The following GRID1 variants were observed in gnomAD, a reference collection of about 807,000 sequenced individuals.
The protein encoded by GRID1 is glutamate ionotropic receptor delta type subunit 1.
In GRID1, 28 loss-of-function variants were observed where a neutral mutation model predicts 98.0. The ratio of observed to expected loss-of-function variants is 0.29; its 90% CI spans 0.21 to 0.39. The LOEUF is 0.39. Ranked by LOEUF, GRID1 falls within the 10% of genes least tolerant of loss-of-function variation. The pLI, the probability that GRID1 is intolerant of heterozygous loss-of-function variation, is 1.00. For synonymous variants in GRID1, 553 were observed against 538.5 expected, an observed-to-expected ratio of 1.03 and a Z score of -0.37; for missense variants, 1,111 against 1,340.5, an observed-to-expected ratio of 0.83 and a Z score of 2.67.
rs189138384 is a variant in GRID1, at chr10:85,989,700, T to C, written c.727-73461A>G. Reference sequence around the variant, plus strand: ...AACCCCCACTGGTCCGTGGAAACATTGTCTTCCACGAAATCTGTCCCTGGT... The same window carrying C: ...AACCCCCACTGGTCCGTGGAAACATCGTCTTCCACGAAATCTGTCCCTGGT... On this transcript the variant is annotated intron_variant, in intron 4 of 15. Coordinates refer to ENST00000327946, the MANE Select transcript of GRID1 (RefSeq NM_017551.3). Among the ~76,000 whole-genome samples, 594 of 152,298 alleles carry C rather than the reference T, an allele frequency of 3.9e-3. 2 individuals are homozygous for C. The highest frequency in any genetic ancestry group is 0.013 in the African/African-American group (557 of 41,566).
At chr10:85,971,037 A>G (rs1842400946) in intron 4 of GRID1, among the ~76,000 whole-genome samples, 1 of 152,034 alleles carries the variant, frequency 6.6e-6, no homozygotes, top group Non-Finnish European at 1.5e-5. Flanking sequence ...CTATTTCTAT[A>G]TACTATCATG....
intron 4 of GRID1, among the ~76,000 whole-genome samples, chr10:86,014,401 G>A (rs1279868046): frequency 6.6e-6 from 1 of 152,228 alleles, no homozygotes; most frequent in Non-Finnish European, 1.5e-5. Flanking sequence ...TAGACTGGAT[G>A]TTTTCAGATT....
intron 3 of GRID1, among the ~76,000 whole-genome samples, chr10:86,201,378 T>C (rs1845948048): frequency 6.6e-6 from 1 of 152,114 alleles, no homozygotes; most frequent in Admixed American, 6.5e-5. Context: ...ATGATAAAAC[T>C]ATCAAGGAAT....
chr10:86,212,529 G>C (rs572591650), intron 2 of GRID1, among the ~76,000 whole-genome samples: 2 of 152,180 alleles, frequency 1.3e-5, no homozygotes, highest in Non-Finnish European at 2.9e-5. Flanking sequence ...GGGCAAACCC[G>C]GGCTCAGCCC....
At chr10:85,652,082 A>T (rs545077754) in intron 12 of GRID1, among the ~76,000 whole-genome samples, 1 of 152,264 alleles carries the variant, frequency 6.6e-6, no homozygotes, top group Admixed American at 6.5e-5. Context: ...CTTTGTAAGC[A>T]TCCCTTGCCT....
chr10:85,922,550 A>G (rs1046376896), intron 4 of GRID1, among the ~76,000 whole-genome samples: 1 of 152,352 alleles, frequency 6.6e-6, no homozygotes, highest in South Asian at 2.1e-4. Flanking sequence ...ACATTTGGGA[A>G]CATTCCCCCC....
At chr10:85,865,930 T>TATAC (rs1554836190) in intron 6 of GRID1, among the ~76,000 whole-genome samples, 2 of 114,494 alleles carry the variant, frequency 1.7e-5, no homozygotes, top group Admixed American at 1.0e-4. Flanking sequence ...TATATATATA[T>TATAC]ATATATATAT....
At chr10:85,885,324 G>A (rs193012401) in intron 5 of GRID1, among the ~76,000 whole-genome samples, 1 of 152,304 alleles carries the variant, frequency 6.6e-6, no homozygotes, top group African/African-American at 2.4e-5. Context: ...GATTTCCCCT[G>A]TTCAGAGGAA....
At chr10:85,943,875 A>C (rs972933119) in intron 4 of GRID1, among the ~76,000 whole-genome samples, 1 of 152,246 alleles carries the variant, frequency 6.6e-6, no homozygotes, top group Non-Finnish European at 1.5e-5. Context: ...TACTTCCCCA[A>C]GCCCGGAGTC....
chr10:85,668,322 T>TTG (rs1327689660), intron 12 of GRID1, among the ~76,000 whole-genome samples: 19 of 152,090 alleles, frequency 1.2e-4, no homozygotes, highest in African/African-American at 4.6e-4. Context: ...CTGTGTGTGT[T>TTG]TGTGTGTATA....
intron 4 of GRID1, among the ~76,000 whole-genome samples, chr10:86,062,042 G>A (rs1288692028): frequency 1.3e-5 from 2 of 152,172 alleles, no homozygotes; most frequent in Non-Finnish European, 2.9e-5. Context: ...GACAATCCTG[G>A]CTTTCCCACA....
chr10:85,791,026 GACA>G (rs1156517428), intron 8 of GRID1, among the ~76,000 whole-genome samples: 1 of 152,174 alleles, frequency 6.6e-6, no homozygotes, highest in Non-Finnish European at 1.5e-5. Context: ...CTTTCCCAGA[GACA>G]ACGAGTGACT....
At chr10:86,247,258 T>TGG (rs1452056184) in intron 2 of GRID1, among the ~76,000 whole-genome samples, 58 of 105,566 alleles carry the variant, frequency 5.5e-4, no homozygotes, top group Non-Finnish European at 9.0e-4. Flanking sequence ...GATGGATGGA[T>TGG]AGATGGATGG....
At chr10:85,678,458 T>C (rs1841170291) in intron 12 of GRID1, among the ~76,000 whole-genome samples, 1 of 152,146 alleles carries the variant, frequency 6.6e-6, no homozygotes, top group Admixed American at 6.5e-5. Context: ...AATTGTTAAC[T>C]GGGAAGAGTG....
chr10:86,180,331 T>C (rs1008886199), intron 3 of GRID1, among the ~76,000 whole-genome samples: 2 of 152,088 alleles, frequency 1.3e-5, no homozygotes, highest in African/African-American at 4.8e-5. Context: ...CCCAGAGTGA[T>C]CGAACAGCTG....
At chr10:86,023,876 C>T (rs1054689755) in intron 4 of GRID1, among the ~76,000 whole-genome samples, 2 of 152,172 alleles carry the variant, frequency 1.3e-5, no homozygotes, top group African/African-American at 4.8e-5. Context: ...ACAAGGGCCT[C>T]ACCATGTCTC....
At chr10:86,217,637 T>C (rs116574952) in intron 2 of GRID1, among the ~76,000 whole-genome samples, 2,873 of 152,202 alleles carry the variant, frequency 0.019, 100 homozygotes, top group African/African-American at 0.06. Flanking sequence ...AAATTCCACA[T>C]GCCTGCGGGT....
In GRID1 at chr10:86,192,306, T is replaced by A. The variant is rs1329117101; in HGVS notation, c.520+14058A>T. Reference sequence around the variant, plus strand: ...CCTTAAGTGTCCATCGATGGATGAATAGGTCAATAAAATTCTGTCTATCCA... The same window carrying A: ...CCTTAAGTGTCCATCGATGGATGAAAAGGTCAATAAAATTCTGTCTATCCA... On this transcript the variant is annotated intron_variant, in intron 3 of 15. Transcript: ENST00000327946. This position sits in a 1 kb window ranked among gnomAD's most constrained non-coding sequence, Gnocchi z 4.8. 2.0e-5 allele frequency among the ~76,000 whole-genome samples: 3 copies of A among 152,088 alleles called. No homozygotes were observed. Among genetic ancestry groups the A allele is most frequent in the Non-Finnish European group, 4.4e-5 (3 of 68,032 alleles).
chr10:85,854,733 T>G (rs566281221), intron 7 of GRID1, 118 bp from the exon 8 acceptor site: 1 of 947,650 alleles, frequency 1.1e-6, no homozygotes, highest in African/African-American at 1.6e-5. Context: ...TTTGAGACCA[T>G]GGACAGGCTG....
Sources: allele counts gnomAD v4.1 joint callset (sites outside exome capture counted in the v4.1 genomes callset), GRCh38; gene constraint gnomAD v4.1.1; non-coding constraint Gnocchi (gnomAD v3.1); transcripts MANE v1.5; gene names NCBI Gene and HGNC (gene_info 2026-07-23, HGNC 2026-07-21).